Variants in LTN1 observed in about 807,000 individuals in gnomAD.
LTN1 encodes listerin E3 ubiquitin protein ligase 1, also known as E3 ubiquitin-protein ligase listerin.
LTN1 carries 88 observed loss-of-function variants against 201.2 expected under a neutral mutation model. That is an observed-to-expected ratio of 0.44 (90% CI 0.37 to 0.52). LTN1 has a LOEUF of 0.52. Among genes scored for constraint, LTN1 ranks in the 20% least tolerant of loss-of-function variants. The probability of loss-of-function intolerance (pLI) is 0.00; values close to 1 mark genes in which losing one functional copy is unlikely to be tolerated. For missense variants in LTN1, 1,752 were observed against 2,038.7 expected, an observed-to-expected ratio of 0.86 and a Z score of 2.71; for synonymous variants, 645 against 713.5, an observed-to-expected ratio of 0.90 and a Z score of 1.53.
At chr21:28,975,610 CGT>C (rs1202217144) in intron 6 of LTN1, among the ~76,000 whole-genome samples, 1 of 152,098 alleles carries the variant, frequency 6.6e-6, no homozygotes, top group African/African-American at 2.4e-5. Flanking sequence ...ATGTTTCCCT[CGT>C]GTCCATGGGG....
rs564420385 is a variant in LTN1, at chr21:28,941,687, G to A, written c.4296-281C>T. Among the ~76,000 whole-genome samples the A allele has an allele frequency of 1.7e-4, 26 of 152,252 alleles. 1 individual carries two copies. The highest frequency in any genetic ancestry group is 3.4e-3 in the Middle Eastern group (1 of 294). The stretch of plus-strand genomic sequence containing the variant: ...CACACCCAGAGAAGCCAAATGATGA[G>A]TCCAACGTCTTTCAGTTAGTAGGGG... On this transcript the variant is annotated intron_variant, in intron 24 of 29. Transcript: ENST00000361371.
At chr21:28,983,423 C>T (rs1440316015) in intron 4 of LTN1, among the ~76,000 whole-genome samples, 1 of 152,184 alleles carries the variant, frequency 6.6e-6, no homozygotes, top group Non-Finnish European at 1.5e-5. Flanking sequence ...GATTCTTATG[C>T]TACAGATGGG....
rs571611060 is a variant in LTN1 at position 28,988,277 on chromosome 21, G to A, written c.43-1343C>T. Reference sequence around the variant, plus strand: ...AGCCCTGAAGTTCGAAACCAGCCTCGGCAACATGGCAAAACCCTGTCTCTA... The same window carrying A: ...AGCCCTGAAGTTCGAAACCAGCCTCAGCAACATGGCAAAACCCTGTCTCTA... On this transcript the variant is annotated intron_variant, in intron 1 of 29. Transcript: ENST00000361371. Among the ~76,000 whole-genome samples the A allele has an allele frequency of 3.6e-4, 54 of 151,708 alleles. No individual in the cohort carries two copies. The Middle Eastern group carries it at 0.01, about 29-fold the overall frequency.
chr21:28,942,076 T>A (rs2084301515), intron 24 of LTN1, among the ~76,000 whole-genome samples: 1 of 152,236 alleles, frequency 6.6e-6, no homozygotes. Context: ...TCCATGATAC[T>A]CTAGCCTGGT....
intron 18 of LTN1, among the ~76,000 whole-genome samples, chr21:28,950,380 C>G (rs62223968): frequency 0.039 from 5,995 of 152,202 alleles, 135 homozygotes; most frequent in Middle Eastern, 0.12. Context: ...AAATATACAT[C>G]CATCTCCTTA....
At chr21:28,943,928 A>G in intron 22 of LTN1, 24 bp from the exon 23 acceptor site, 1 of 1,429,654 alleles carries the variant, frequency 7.0e-7, no homozygotes, top group Non-Finnish European at 9.9e-7. Flanking sequence ...GGAAAGAAAC[A>G]TGCACGTCTC....
intron 18 of LTN1, among the ~76,000 whole-genome samples, chr21:28,949,353 A>G (rs546292511): frequency 1.3e-5 from 2 of 152,310 alleles, no homozygotes; most frequent in East Asian, 1.9e-4. Flanking sequence ...AAAAATTTTA[A>G]CTGTCATAAA....
chr21:28,963,015 C>A (rs1008808486), intron 11 of LTN1, among the ~76,000 whole-genome samples: 1 of 152,146 alleles, frequency 6.6e-6, no homozygotes, highest in Non-Finnish European at 1.5e-5. Flanking sequence ...GGAAGCTGCA[C>A]AAGAAAAGAC....
chr21:28,990,105 T>C (rs925396290), intron 1 of LTN1, among the ~76,000 whole-genome samples: 1 of 152,204 alleles, frequency 6.6e-6, no homozygotes, highest in Non-Finnish European at 1.5e-5. Context: ...TCTTTCAAAC[T>C]CATGTTTGCA....
chr21:28,956,746 A>G lies in LTN1; in HGVS notation c.3079+16T>C. 1 of 1,367,704 alleles carries G rather than the reference A, an allele frequency of 7.3e-7. No individual in the cohort carries two copies. The highest frequency in any genetic ancestry group is 1.0e-6 in the Non-Finnish European group (1 of 993,214). 84.7% of individuals were successfully genotyped at this position (1,367,704 alleles called of 1,614,324 possible). A position where few individuals can be genotyped will look rare whatever the true frequency, so the allele number is the denominator to read the frequency against. On this transcript the variant is annotated intron_variant, in intron 16 of 29. Transcript: ENST00000361371. ...TTCATGCATTATGTTATATGTAAAT[A>G]CTCATATATACTTACTTATTTTCTC...
chr21:28,952,121 C>T, intron 18 of LTN1, 39 bp downstream of exon 18: 3 of 1,258,488 alleles, frequency 2.4e-6, no homozygotes, highest in Non-Finnish European at 3.4e-6. Flanking sequence ...TGACCGATTA[C>T]AGTAAACTAC....
intron 6 of LTN1, among the ~76,000 whole-genome samples, chr21:28,974,708 C>T (rs1340777698): frequency 1.3e-5 from 2 of 152,226 alleles, no homozygotes; most frequent in East Asian, 3.9e-4. Context: ...AAGGAGAGGG[C>T]CACAGAAAGG....
At chr21:28,967,705 CAGGAGGGGGTCATG>C (rs1453083818) in intron 9 of LTN1, 2 of 152,266 alleles carry the variant, frequency 1.3e-5, no homozygotes, top group Non-Finnish European at 2.9e-5. Context: ...AAGCAAACCC[CAGGAGGGGGTCATG>C]GGATCCCTGA....
chr21:28,978,527 T>A (rs1475872242), intron 6 of LTN1, among the ~76,000 whole-genome samples: 1 of 152,194 alleles, frequency 6.6e-6, no homozygotes, highest in Non-Finnish European at 1.5e-5. Context: ...TAAAACTGCA[T>A]ATAAAGCCTA....
chr21:28,946,310 AATTAAAAAT>A, intron 19 of LTN1, 23 bp from the exon 20 acceptor site: 1 of 1,508,060 alleles, frequency 6.6e-7, no homozygotes, highest in Non-Finnish European at 8.9e-7. Context: ...TCAAAATGAA[AATTAAAAAT>A]ATTTAAGAAC....
chr21:28,963,411 T>C (rs949016267), intron 11 of LTN1, among the ~76,000 whole-genome samples: 1 of 152,174 alleles, frequency 6.6e-6, no homozygotes, highest in Non-Finnish European at 1.5e-5. Flanking sequence ...GCTCTATAAG[T>C]GGAATAACAA....
At chr21:28,957,546 T>A in intron 14 of LTN1, 70 bp from the exon 15 acceptor site, 1 of 1,045,644 alleles carries the variant, frequency 9.6e-7, no homozygotes, top group Non-Finnish European at 1.3e-6. Flanking sequence ...CAATACATAT[T>A]AAATACCCTA....
At chr21:28,960,865 C>T (rs2084472207) in intron 11 of LTN1, 159 bp from the exon 12 acceptor site, 1 of 580,212 alleles carries the variant, frequency 1.7e-6, no homozygotes, top group African/African-American at 1.9e-5. Flanking sequence ...GGTATCCTCC[C>T]TGTTCCCCAT....
intron 14 of LTN1, among the ~76,000 whole-genome samples, 193 bp downstream of exon 14, chr21:28,958,193 T>C (rs2084442284): frequency 6.6e-6 from 1 of 152,212 alleles, no homozygotes; most frequent in South Asian, 2.1e-4. Flanking sequence ...CATCTCACTA[T>C]GTTGCTCAGG....
Sources: allele counts gnomAD v4.1 joint callset (sites outside exome capture counted in the v4.1 genomes callset), GRCh38; gene constraint gnomAD v4.1.1; transcripts MANE v1.5; gene names NCBI Gene and HGNC (gene_info 2026-07-23, HGNC 2026-07-21).